The following MAEL variants were observed in gnomAD, a reference collection of about 807,000 sequenced individuals.
MAEL encodes the protein maelstrom spermatogenic transposon silencer.
Under a neutral mutation model 62.0 loss-of-function variants are expected in MAEL, and 46 were observed. The observed-to-expected ratio is 0.74, with a 90% CI of 0.59 to 0.95. The LOEUF is 0.95. Ranked by LOEUF, MAEL falls within the 40% of genes least tolerant of loss-of-function variation. The pLI is 0.00. For missense variants in MAEL, 497 were observed against 526.8 expected (o/e 0.94, Z 0.55); for synonymous variants, 172 against 175.5 (o/e 0.98, Z 0.16).
rs755345913 is a variant in MAEL, at chr1:166,991,446, T to TA, written c.295dup (p.Met99AsnfsTer9). The stretch of plus-strand genomic sequence containing the variant: ...CAAAGCAGAATGTTTCACCTCCAGA[T>TA]ATGTCAGCTTTGTCTTTAAAAGGTG... On this transcript the variant is annotated frameshift_variant, in exon 3 of 12. Coordinates refer to ENST00000367872, the MANE Select transcript of MAEL (RefSeq NM_032858.3). LOFTEE classifies it high-confidence loss of function. The TA allele has an allele frequency of 1.9e-6, 3 of 1,613,070 alleles. No homozygotes were observed. Among genetic ancestry groups the TA allele is most frequent in the Non-Finnish European group, 2.5e-6 (3 of 1,179,132 alleles).
In MAEL at chr1:167,020,951, A is replaced by G. The variant is rs758859143; in HGVS notation, c.1042-134A>G. 29 of 723,808 alleles carry G rather than the reference A, an allele frequency of 4.0e-5. No individual in the cohort carries two copies. The Middle Eastern group carries it at 8.5e-4, about 21-fold the overall frequency. 44.8% of individuals were successfully genotyped at this position (723,808 alleles called of 1,614,324 possible). A position where few individuals can be genotyped will look rare whatever the true frequency, so the allele number is the denominator to read the frequency against. On this transcript the variant is annotated intron_variant, in intron 10 of 11. Transcript: ENST00000367872. ...TATTTTCTCCCCCTTTGCAGCAAAA[A>G]TTGATAAGACATTGGAAAAGTATTT...
intron 1 of MAEL, among the ~76,000 whole-genome samples, chr1:166,982,595 A>G (rs1571233025): frequency 1.3e-5 from 2 of 152,182 alleles, no homozygotes; most frequent in Admixed American, 6.5e-5. Context: ...TTCCAAGAAC[A>G]CTTGTGGTGC....
chr1:167,021,926 C>T lies in MAEL; in HGVS notation c.*71C>T. 7.8e-6 allele frequency: 7 copies of T among 903,182 alleles called. No individual in the cohort carries two copies. Among genetic ancestry groups the T allele is most frequent in the South Asian group, 6.2e-5 (3 of 48,434 alleles). 55.9% of individuals were successfully genotyped at this position (903,182 alleles called of 1,614,324 possible). On this transcript the variant is annotated 3_prime_UTR_variant, in exon 12 of 12. Transcript: ENST00000367872. ...TCCTTCTTACTACAGTCATATTAAA[C>T]AGATCACATCAATGACAAATGTCAC...
intron 10 of MAEL, among the ~76,000 whole-genome samples, chr1:167,020,802 T>G (rs1665593209): frequency 6.6e-6 from 1 of 152,082 alleles, no homozygotes; most frequent in Non-Finnish European, 1.5e-5. Context: ...TTTCCCCTCC[T>G]GTATCATCAG....
At chr1:167,011,643 G>A (rs1211053382) in intron 8 of MAEL, among the ~76,000 whole-genome samples, 1 of 152,110 alleles carries the variant, frequency 6.6e-6, no homozygotes, top group African/African-American at 2.4e-5. Context: ...TCAAAAGAAA[G>A]TTTTCAGGGA....
intron 11 of MAEL, 97 bp downstream of exon 11, chr1:167,021,257 G>A (rs960084593): frequency 1.2e-6 from 1 of 837,982 alleles, no homozygotes; most frequent in Admixed American, 2.4e-5. Flanking sequence ...ATCTAAATTA[G>A]CTTTAGGATA....
chr1:167,004,587 C>T (rs1180299255), intron 6 of MAEL, among the ~76,000 whole-genome samples: 1 of 152,100 alleles, frequency 6.6e-6, no homozygotes, highest in African/African-American at 2.4e-5. Flanking sequence ...TCTTTTTACC[C>T]TTAAGAATGG....
intron 9 of MAEL, 130 bp from the exon 10 acceptor site, chr1:167,017,697 T>C: frequency 1.4e-6 from 1 of 719,142 alleles, no homozygotes; most frequent in South Asian, 2.9e-5. Flanking sequence ...TCTCTGAATC[T>C]CCAAATTTAT....
Position 166,978,136 on chromosome 1 carries a change from G to A in MAEL, c.-121+2470G>A, listed in dbSNP as rs1380632760. Among the ~76,000 whole-genome samples the A allele has an allele frequency of 3.3e-5, 5 of 152,192 alleles. No individual in the cohort carries two copies. In the East Asian group the frequency reaches 7.7e-4, roughly 23 times the overall value. On this transcript the variant is annotated intron_variant, in intron 1 of 12. Transcript: ENST00000622874. ...TAGTTGAATCAGGAGACTTGGAGAA[G>A]AGCTTGTGCCACAATGAATCATAGA...
chr1:166,981,745 G>C (rs927862461), intron 1 of MAEL, among the ~76,000 whole-genome samples: 1 of 152,148 alleles, frequency 6.6e-6, no homozygotes, highest in South Asian at 2.1e-4. Context: ...GGTGAGAATA[G>C]GAACTGCTGC....
At chr1:167,002,253 G>T (rs1664701693) in intron 5 of MAEL, among the ~76,000 whole-genome samples, 1 of 152,010 alleles carries the variant, frequency 6.6e-6, no homozygotes, top group African/African-American at 2.4e-5. Flanking sequence ...AGTTTATTTT[G>T]CCATTATAAA....
chr1:166,989,252 G>C (rs1390849272), upstream of MAEL: 24 of 1,439,050 alleles, frequency 1.7e-5, no homozygotes, highest in Non-Finnish European at 9.3e-7. Flanking sequence ...AGAGTTGCGG[G>C]CTGCGTGCGC....
chr1:167,014,115 G>T (rs931305550), intron 8 of MAEL, among the ~76,000 whole-genome samples: 4 of 152,084 alleles, frequency 2.6e-5, no homozygotes, highest in Non-Finnish European at 5.9e-5. Flanking sequence ...TATTTTATTT[G>T]CCACAGATTT....
At chr1:167,020,299 G>A (rs1164859953) in intron 10 of MAEL, among the ~76,000 whole-genome samples, 1 of 151,846 alleles carries the variant, frequency 6.6e-6, no homozygotes, top group Non-Finnish European at 1.5e-5. Flanking sequence ...AACTCCATTG[G>A]CCCTCTTTTT....
Position 167,004,219 on chromosome 1 carries a change from G to T in MAEL, c.563G>T (p.Arg188Leu). Residue 188 changes from arginine to leucine, a missense_variant, in exon 6 of 12, where the codon CGT (arginine) becomes CTT (leucine). Transcript: ENST00000367872. The part of the protein sequence containing the change: ...SHKIPISNFE[R>L]GHNQATVLQN... ...AAGATTCCTATTTCAAATTTTGAAC[G>T]TGGGCATAACCAAGCAACTGTGTTA... 5 of 1,608,006 alleles carry T rather than the reference G, an allele frequency of 3.1e-6. No individual in the cohort carries two copies. Among genetic ancestry groups the T allele is most frequent in the Non-Finnish European group, 3.4e-6 (4 of 1,177,096 alleles).
At position 167,021,657 on chromosome 1, in the gene MAEL, C is replaced by A; in HGVS notation, c.1118-11C>A. The A allele has an allele frequency of 6.4e-7, 1 of 1,555,352 alleles. No individual in the cohort carries two copies. Among genetic ancestry groups the A allele is most frequent in the Non-Finnish European group, 8.7e-7 (1 of 1,153,588 alleles). On this transcript the variant is annotated splice_polypyrimidine_tract_variant and intron_variant, in intron 11 of 11. Transcript: ENST00000367872. Reference sequence around the variant, plus strand: ...TGCTATATCTCTTTTCTTGTATTTTCAATATCCTAGGTGACTACCCATCTA... The same window carrying A: ...TGCTATATCTCTTTTCTTGTATTTTAAATATCCTAGGTGACTACCCATCTA...
chr1:167,002,839 A>G (rs910468746), intron 5 of MAEL, among the ~76,000 whole-genome samples: 1 of 152,164 alleles, frequency 6.6e-6, no homozygotes, highest in Non-Finnish European at 1.5e-5. Context: ...AGTTCTTACC[A>G]GCTCTGAGTT....
intron 5 of MAEL, among the ~76,000 whole-genome samples, chr1:167,003,289 A>G (rs369708829): frequency 1.2e-3 from 187 of 152,326 alleles, no homozygotes; most frequent in African/African-American, 4.3e-3. Context: ...TTATGCTAAA[A>G]TTGGTAATTT....
chr1:167,007,372 G>A (rs1664958896), intron 8 of MAEL, among the ~76,000 whole-genome samples: 1 of 152,020 alleles, frequency 6.6e-6, no homozygotes, highest in Non-Finnish European at 1.5e-5. Context: ...GGCACAATAT[G>A]TTCCAGGCCT....
Sources: gnomAD v4.1 joint callset for allele counts (sites outside exome capture counted in the v4.1 genomes callset) on GRCh38, gnomAD v4.1.1 for gene constraint, MANE v1.5 for transcripts, NCBI Gene and HGNC (gene_info 2026-07-23, HGNC 2026-07-21) for gene names.